Variants in SECISBP2L observed in about 807,000 individuals in gnomAD.
The protein encoded by SECISBP2L is SECIS binding protein 2 like, also known as selenocysteine insertion sequence-binding protein 2-like.
In SECISBP2L, 43 loss-of-function variants were observed where a neutral mutation model predicts 114.7. That is an observed-to-expected ratio of 0.38 (90% CI 0.29 to 0.48). The LOEUF (loss-of-function observed/expected upper bound fraction) is 0.48, where lower values mean the gene tolerates loss of function less well. SECISBP2L is among the 20% of genes least tolerant of loss of function. The pLI, the probability that SECISBP2L is intolerant of heterozygous loss-of-function variation, is 0.98. For missense variants in SECISBP2L, 1,136 were observed against 1,301.1 expected (o/e 0.87, Z 1.95); for synonymous variants, 451 against 439.7 (o/e 1.03, Z -0.32).
In SECISBP2L at chr15:49,035,466, G is replaced by A. The variant is rs1267877415; in HGVS notation, c.396C>T (p.Asn132=). ...FYHPFPTPYS[N]TFQAANTVNA... ...TTACAGTATTTGCAGCCTGAAAGGT[G>A]TTGGAGTAAGGTGTAGGAAAAGGAT... The change falls in exon 3 of 18, where the codon AAC becomes AAT. Residue 132 remains asparagine (N), a synonymous_variant. Transcript: ENST00000559471. The A allele has an allele frequency of 1.2e-6, 2 of 1,614,170 alleles. No homozygotes were observed. Among genetic ancestry groups the A allele is most frequent in the Non-Finnish European group, 8.5e-7 (1 of 1,180,014 alleles).
At chr15:49,020,301 G>A (rs954521914) in intron 7 of SECISBP2L, among the ~76,000 whole-genome samples, 6 of 151,874 alleles carry the variant, frequency 4.0e-5, no homozygotes, top group African/African-American at 1.5e-4. Flanking sequence ...GAACACCTAG[G>A]CTCGAGTGAT....
rs373176549 is a variant in SECISBP2L at position 49,007,848 on chromosome 15, C to T, written c.2027+1368G>A. 1.2e-4 allele frequency among the ~76,000 whole-genome samples: 18 copies of T among 152,044 alleles called. No homozygotes were observed. In the East Asian group the frequency reaches 1.5e-3, roughly 13 times the overall value. ...ATGGCCTCAAGAGTGCCTAGAGCTC[C>T]GAAAATTTATGGCTATGGAGGATGA... On this transcript the variant is annotated intron_variant, in intron 14 of 17. Coordinates refer to ENST00000559471, the MANE Select transcript of SECISBP2L (RefSeq NM_001193489.2).
At chr15:49,034,887 T>G (rs1175607542) in intron 3 of SECISBP2L, among the ~76,000 whole-genome samples, 1 of 152,048 alleles carries the variant, frequency 6.6e-6, no homozygotes, top group Non-Finnish European at 1.5e-5. Context: ...GGTCTCAAAC[T>G]CTTGGGCTCA....
rs1472577913 is a variant in SECISBP2L at position 49,046,388 on chromosome 15, T to C, written c.-89A>G. 7.5e-7 allele frequency: 1 copy of C among 1,333,568 alleles called. No individual in the cohort carries two copies. Among genetic ancestry groups the C allele is most frequent in the East Asian group, 3.1e-5 (1 of 32,410 alleles). 82.6% of individuals were successfully genotyped at this position (1,333,568 alleles called of 1,614,324 possible). On this transcript the variant is annotated 5_prime_UTR_variant, in exon 1 of 18. Coordinates refer to ENST00000559471, the MANE Select transcript of SECISBP2L (RefSeq NM_001193489.2). ...CATGGCCCCCCGCTCGGGTCCAGAC[T>C]GGGTTCCGGACCTCCGCCCCTATCT... is the stretch of plus-strand genomic sequence containing the variant.
At chr15:49,014,875 T>C (rs1902506798) in intron 11 of SECISBP2L, among the ~76,000 whole-genome samples, 1 of 149,650 alleles carries the variant, frequency 6.7e-6, no homozygotes, top group African/African-American at 2.4e-5. Context: ...ATATACTGTA[T>C]ATATAATATA....
At position 48,999,942 on chromosome 15, in the gene SECISBP2L, T is replaced by C. The variant is rs750100861; in HGVS notation, c.2294A>G (p.Glu765Gly). ...ALYNVIAMAR[E>G]QEIPFVFALG... ...GGCAAACACAAAAGGAATTTCTTGT[T>C]CCCGTGCCATGGCTATAACATTATA... Residue 765 changes from glutamate to glycine, a missense_variant, in exon 16 of 18, where the codon GAA becomes GGA. This residue lies in a region of SECISBP2L where 684 missense variants were observed against 848.7 expected (regional missense o/e 0.81). Coordinates refer to ENST00000559471, the MANE Select transcript of SECISBP2L (RefSeq NM_001193489.2). 17 of 1,613,984 alleles carry C rather than the reference T, an allele frequency of 1.1e-5. No individual in the cohort carries two copies. Among genetic ancestry groups the C allele is most frequent in the Non-Finnish European group, 1.4e-5 (16 of 1,179,912 alleles).
Position 48,992,283 on chromosome 15 carries a change from T to C in SECISBP2L, c.3267A>G (p.Lys1089=). 1 of 1,612,214 alleles carries C rather than the reference T, an allele frequency of 6.2e-7. No homozygotes were observed. The highest frequency in any genetic ancestry group is 8.5e-7 in the Non-Finnish European group (1 of 1,179,366). Residue 1089 remains lysine (K), a synonymous_variant, in exon 18 of 18, where the codon AAA becomes AAG. Transcript: ENST00000559471. Reference sequence around the variant, plus strand: ...TTGTGTAATTAGAATCAGAGTGCTCTTTGTTGAGCGAGCTGCAGTTGCTGG... The same window carrying C: ...TTGTGTAATTAGAATCAGAGTGCTCCTTGTTGAGCGAGCTGCAGTTGCTGG... The part of the protein sequence containing the change: ...QKSSNCSSLN[K]EHSDSNYTTQ...
intron 1 of SECISBP2L, among the ~76,000 whole-genome samples, chr15:49,038,422 T>C (rs1903055669): frequency 6.8e-6 from 1 of 146,456 alleles, no homozygotes; most frequent in African/African-American, 2.6e-5. Context: ...TATAGAGATT[T>C]AAAAGACATA....
rs1374640783 is a variant in SECISBP2L at position 48,990,355 on chromosome 15, G to A, written c.*1889C>T. ...ACCTCTATCATTTCTTTAAACCAAC[G>A]AACACTTCCAAATGTGTAGAGACAG... On this transcript the variant is annotated 3_prime_UTR_variant, in exon 18 of 18. Coordinates refer to ENST00000559471, the MANE Select transcript of SECISBP2L (RefSeq NM_001193489.2). 1.3e-5 allele frequency: 2 copies of A among 152,282 alleles called. No homozygotes were observed. Among genetic ancestry groups the A allele is most frequent in the East Asian group, 1.9e-4 (1 of 5,198 alleles). 9.4% of individuals were successfully genotyped at this position (152,282 alleles called of 1,614,324 possible). A position where few individuals can be genotyped will look rare whatever the true frequency, so the allele number is the denominator to read the frequency against.
chr15:49,009,186 T>C (rs745584450), intron 14 of SECISBP2L, 30 bp downstream of exon 14: 1 of 1,606,984 alleles, frequency 6.2e-7, no homozygotes, highest in East Asian at 2.2e-5. Flanking sequence ...CCTTAAACTA[T>C]TCAACCTCAA....
At chr15:49,010,231 A>T (rs1484032212) in intron 13 of SECISBP2L, among the ~76,000 whole-genome samples, 7 of 148,242 alleles carry the variant, frequency 4.7e-5, no homozygotes, top group East Asian at 2.0e-4. Flanking sequence ...TTTTTTTTTT[A>T]AACAATCTAA....
intron 7 of SECISBP2L, among the ~76,000 whole-genome samples, chr15:49,020,323 A>C (rs941897515): frequency 1.3e-4 from 20 of 151,914 alleles, no homozygotes; most frequent in African/African-American, 4.8e-4. Flanking sequence ...CTCTTGCCTC[A>C]GCCTCCCAAG....
At chr15:49,000,273 TAAAG>T in intron 15 of SECISBP2L, among the ~76,000 whole-genome samples, 1 of 152,284 alleles carries the variant, frequency 6.6e-6, no homozygotes, top group Middle Eastern at 3.4e-3. Context: ...ATATTTATAA[TAAAG>T]AAATTAATTA....
intron 1 of SECISBP2L, among the ~76,000 whole-genome samples, chr15:49,038,466 C>T (rs1903057131): frequency 6.7e-6 from 1 of 148,204 alleles, no homozygotes; most frequent in African/African-American, 2.5e-5. Context: ...TTTAGGGATG[C>T]ACATATGGGC....
intron 3 of SECISBP2L, among the ~76,000 whole-genome samples, chr15:49,035,013 C>A (rs995897339): frequency 1.3e-5 from 2 of 152,086 alleles, no homozygotes; most frequent in Admixed American, 1.3e-4. Context: ...AGCACAAGAT[C>A]CACACTAATC....
intron 11 of SECISBP2L, 136 bp from the exon 12 acceptor site, chr15:49,012,953 T>C (rs1474432849): frequency 2.6e-6 from 2 of 781,092 alleles, no homozygotes; most frequent in Non-Finnish European, 4.0e-6. Context: ...GCACTATACA[T>C]GGCTAGGCAG....
rs117953731 is a variant in SECISBP2L, at chr15:49,044,336, T to C, written c.24+1940A>G. 2.8e-3 allele frequency among the ~76,000 whole-genome samples: 430 copies of C among 152,260 alleles called. 20 individuals carry two copies. In the East Asian group the frequency reaches 0.076, roughly 27 times the overall value. On this transcript the variant is annotated intron_variant, in intron 1 of 17. Coordinates refer to ENST00000559471, the MANE Select transcript of SECISBP2L (RefSeq NM_001193489.2). ...ATAAAGAATCAAGAATTCCACAAAA[T>C]TGAGAAATCTCAGTTCCCAATCTAC...
Position 49,035,323 on chromosome 15 carries a change from C to T in SECISBP2L, c.528+11G>A. The stretch of plus-strand genomic sequence containing the variant: ...ATCAAATTTAAAAGCCAATCAAGAC[C>T]AGACACTTACTTTTGGGACCACTGA... On this transcript the variant is annotated intron_variant, in intron 3 of 17. Coordinates refer to ENST00000559471, the MANE Select transcript of SECISBP2L (RefSeq NM_001193489.2). 1 of 1,609,462 alleles carries T rather than the reference C, an allele frequency of 6.2e-7. No homozygotes were observed. The highest frequency in any genetic ancestry group is 8.5e-7 in the Non-Finnish European group (1 of 1,177,164).
At chr15:49,027,568 C>CACTAG (rs1204339299) in intron 6 of SECISBP2L, 88 bp from the exon 7 acceptor site, 108 of 688,864 alleles carry the variant, frequency 1.6e-4, no homozygotes, top group Non-Finnish European at 4.7e-6. Context: ...GAAATTCAGT[C>CACTAG]ACTAGAAATG....
Sources: allele counts gnomAD v4.1 joint callset (sites outside exome capture counted in the v4.1 genomes callset), GRCh38; gene constraint gnomAD v4.1.1; regional missense constraint gnomAD v4.1.1; transcripts MANE v1.5; gene names NCBI Gene and HGNC (gene_info 2026-07-23, HGNC 2026-07-21).